Variants in LRP1B observed in about 807,000 individuals in gnomAD.
LRP1B encodes the protein LDL receptor related protein 1B, also known as low-density lipoprotein receptor-related protein 1B.
Under a neutral mutation model 556.6 loss-of-function variants are expected in LRP1B, and 217 were observed. The ratio of observed to expected loss-of-function variants is 0.39; its 90% confidence interval spans 0.35 to 0.44. The LOEUF is 0.44. LRP1B is among the 20% of genes least tolerant of loss of function. LRP1B has a pLI of 1.00. For synonymous variants in LRP1B, 2,047 were observed against 1,865.8 expected, an observed-to-expected ratio of 1.10 and a Z score of -2.50; for missense variants, 5,053 against 5,620.8, an observed-to-expected ratio of 0.90 and a Z score of 3.23.
At chr2:140,655,751 G>C (rs959365322) in intron 41 of LRP1B, among the ~76,000 whole-genome samples, 1 of 152,144 alleles carries the variant, frequency 6.6e-6, no homozygotes, top group Non-Finnish European at 1.5e-5. Flanking sequence ...AACCATCCTG[G>C]CTAACACGGT....
intron 61 of LRP1B, 88 bp from the exon 62 acceptor site, chr2:140,456,691 G>A (rs2105322591): frequency 2.6e-6 from 3 of 1,157,908 alleles, no homozygotes; most frequent in South Asian, 1.9e-5. Flanking sequence ...CTTTTAAGCT[G>A]CATAACTTGA....
At chr2:140,816,525 T>C (rs1237765660) in intron 31 of LRP1B, among the ~76,000 whole-genome samples, 1 of 152,146 alleles carries the variant, frequency 6.6e-6, no homozygotes, top group Non-Finnish European at 1.5e-5. Flanking sequence ...TTAAATTAAT[T>C]TTAATATTGA....
At chr2:142,018,475 T>C (rs570664698) in intron 1 of LRP1B, among the ~76,000 whole-genome samples, 8 of 152,268 alleles carry the variant, frequency 5.3e-5, no homozygotes, top group African/African-American at 1.9e-4. Flanking sequence ...TTTATTTTAC[T>C]AGGATTTTTT....
chr2:141,858,868 A>G (rs193001084), intron 1 of LRP1B, among the ~76,000 whole-genome samples: 36 of 152,276 alleles, frequency 2.4e-4, no homozygotes, highest in African/African-American at 7.0e-4. Context: ...GAAATGAAGG[A>G]AATTATTATT....
intron 6 of LRP1B, among the ~76,000 whole-genome samples, chr2:141,200,018 A>G (rs1020832160): frequency 4.6e-5 from 7 of 152,198 alleles, no homozygotes; most frequent in African/African-American, 1.7e-4. Context: ...CAATGTGGCA[A>G]TTCCTCAAAG....
At chr2:142,022,697 G>T (rs1191522225) in intron 1 of LRP1B, among the ~76,000 whole-genome samples, 1 of 152,048 alleles carries the variant, frequency 6.6e-6, no homozygotes, top group Admixed American at 6.6e-5. Flanking sequence ...TTGAGATGGA[G>T]TCTTGCTCTG....
At chr2:141,958,234 G>C (rs1701312913) in intron 1 of LRP1B, among the ~76,000 whole-genome samples, 1 of 152,036 alleles carries the variant, frequency 6.6e-6, no homozygotes, top group African/African-American at 2.4e-5. Flanking sequence ...ACTTTGTTCA[G>C]AAGACAGTCC....
intron 2 of LRP1B, among the ~76,000 whole-genome samples, chr2:141,517,022 A>C (rs865962846): frequency 1.9e-5 from 2 of 106,836 alleles, no homozygotes; most frequent in Non-Finnish European, 3.9e-5. Context: ...AAAAAAAAAA[A>C]AAAAAAAAAA....
At chr2:142,017,523 C>A (rs1377362304) in intron 1 of LRP1B, among the ~76,000 whole-genome samples, 1 of 152,040 alleles carries the variant, frequency 6.6e-6, no homozygotes, top group Non-Finnish European at 1.5e-5. Flanking sequence ...ATCTTGTGAG[C>A]AGCCTGGCAC....
At position 140,495,614 on chromosome 2, in the gene LRP1B, A is replaced by G; in HGVS notation, c.8985T>C (p.Asp2995=). The G allele has an allele frequency of 6.2e-7, 1 of 1,612,362 alleles. No individual in the cohort carries two copies. Among genetic ancestry groups the G allele is most frequent in the Non-Finnish European group, 8.5e-7 (1 of 1,178,678 alleles). The part of the protein sequence containing the change: ...TYGTYKCLCT[D]GYEIQPDNPN... Reference sequence around the variant, plus strand: ...GGTTATCAGGTTGTATTTCATACCCATCTGTACAGAGGCACTTGTAAGTCC... The same window carrying G: ...GGTTATCAGGTTGTATTTCATACCCGTCTGTACAGAGGCACTTGTAAGTCC... The change falls in exon 56 of 91, where the codon GAT becomes GAC. Residue 2995 remains aspartate, a synonymous_variant. Coordinates refer to ENST00000389484, the MANE Select transcript of LRP1B (RefSeq NM_018557.3).
At chr2:142,109,093 G>A (rs997928616) in intron 1 of LRP1B, among the ~76,000 whole-genome samples, 9 of 152,064 alleles carry the variant, frequency 5.9e-5, no homozygotes, top group African/African-American at 1.9e-4. Context: ...AGCCTAAAGT[G>A]GTGTCTTACT....
chr2:141,888,385 G>A (rs916506705), intron 1 of LRP1B, among the ~76,000 whole-genome samples: 12 of 152,066 alleles, frequency 7.9e-5, no homozygotes, highest in Admixed American at 1.3e-4. Flanking sequence ...TCTTCAGTCC[G>A]GAAAAAGCCT....
intron 7 of LRP1B, among the ~76,000 whole-genome samples, chr2:141,150,564 C>A (rs1701896084): frequency 1.3e-5 from 2 of 152,130 alleles, no homozygotes; most frequent in Non-Finnish European, 2.9e-5. Flanking sequence ...ATTCATATTT[C>A]TTTGCTACGA....
intron 66 of LRP1B, among the ~76,000 whole-genome samples, chr2:140,395,335 C>T (rs1045362259): frequency 3.3e-5 from 5 of 152,194 alleles, no homozygotes; most frequent in Admixed American, 2.0e-4. Context: ...TTAGCATAGT[C>T]TCTACATGAC....
At chr2:141,023,062 TTA>T (rs961137438) in intron 11 of LRP1B, among the ~76,000 whole-genome samples, 7 of 151,886 alleles carry the variant, frequency 4.6e-5, no homozygotes, top group African/African-American at 1.4e-4. Context: ...TAGATTAATA[TTA>T]TGTCTGTATT....
intron 16 of LRP1B, among the ~76,000 whole-genome samples, chr2:140,991,934 T>G (rs1697103972): frequency 6.6e-6 from 1 of 152,226 alleles, no homozygotes; most frequent in East Asian, 1.9e-4. Flanking sequence ...GGAAGTATTG[T>G]ATATGTGAGT....
At chr2:141,900,340 G>T (rs560709733) in intron 1 of LRP1B, among the ~76,000 whole-genome samples, 1 of 152,196 alleles carries the variant, frequency 6.6e-6, no homozygotes, top group African/African-American at 2.4e-5. Flanking sequence ...GCATGGATAT[G>T]ACACTGTTTG....
chr2:140,492,673 G>C lies in LRP1B; in HGVS notation c.9055C>G (p.Leu3019Val), dbSNP rs866660848. 1 of 1,612,866 alleles carries C rather than the reference G, an allele frequency of 6.2e-7. No individual in the cohort carries two copies. The highest frequency in any genetic ancestry group is 8.5e-7 in the Non-Finnish European group (1 of 1,179,044). ...TTCCTTATCTCATGATGATCAGCAA[G>C]AATTAAAAAAGGTTCTTCATCTAAA... The part of the protein sequence containing the change: ...SLSDEEPFLI[L>V]ADHHEIRKIS... Residue 3019 changes from leucine (L) to valine (V), a missense_variant, in exon 57 of 91, where the codon CTT becomes GTT. Leu to Val is a conservative substitution (Grantham distance 32). Transcript: ENST00000389484.
chr2:141,553,220 C>A (rs193203613), intron 2 of LRP1B, among the ~76,000 whole-genome samples: 171 of 151,800 alleles, frequency 1.1e-3, no homozygotes, highest in African/African-American at 3.9e-3. Flanking sequence ...AGGAAGAGGG[C>A]GTTTTCTAAG....
Sources: gnomAD v4.1 joint callset for allele counts (sites outside exome capture counted in the v4.1 genomes callset) on GRCh38, gnomAD v4.1.1 for gene constraint, MANE v1.5 for transcripts, NCBI Gene and HGNC (gene_info 2026-07-23, HGNC 2026-07-21) for gene names.